The following CEP72 variants were observed in gnomAD, a reference collection of about 807,000 sequenced individuals.
CEP72 encodes centrosomal protein 72, also known as centrosomal protein of 72 kDa.
A neutral mutation model predicts 65.7 loss-of-function variants in CEP72; 78 were observed. That is an observed-to-expected ratio of 1.19 (90% CI 0.99 to 1.43). The LOEUF is 1.43. CEP72 is among the 40% of genes most tolerant of loss of function. The probability of loss-of-function intolerance (pLI) is 0.00; values close to 1 mark genes in which losing one functional copy is unlikely to be tolerated. For synonymous variants in CEP72, 358 were observed against 351.7 expected, an observed-to-expected ratio of 1.02 and a Z score of -0.20; for missense variants, 914 against 832.9, an observed-to-expected ratio of 1.10 and a Z score of -1.20.
chr5:661,349 G>A (rs888522317), downstream of CEP72: 1 of 148,274 alleles, frequency 6.7e-6, no homozygotes, highest in Non-Finnish European at 1.5e-5. Context: ...CTCTCCTGGT[G>A]TCACCCATGA....
In CEP72 at chr5:643,299, A is replaced by G. The variant is rs1738182214; in HGVS notation, c.1540-1000A>G. 6 of 985,440 alleles carry G rather than the reference A, an allele frequency of 6.1e-6. No homozygotes were observed. The South Asian group carries it at 1.9e-4, about 31-fold the overall frequency. 61.0% of individuals were successfully genotyped at this position (985,440 alleles called of 1,614,324 possible). ...CAAAACCATGAGACGTGGCACTGCC[A>G]GGAGCTTTCTGGACGACCCAAAGCC... is the stretch of plus-strand genomic sequence containing the variant. On this transcript the variant is annotated intron_variant, in intron 9 of 11. Transcript: ENST00000264935.
rs1260336369 is a variant in CEP72 at position 645,545 on chromosome 5, G to A, written c.1666+1120G>A. Among the ~76,000 whole-genome samples, 4 of 151,854 alleles carry A rather than the reference G, an allele frequency of 2.6e-5. No individual in the cohort carries two copies. Among genetic ancestry groups the A allele is most frequent in the Admixed American group, 6.6e-5 (1 of 15,260 alleles). On this transcript the variant is annotated intron_variant, in intron 10 of 11. Coordinates refer to ENST00000264935, the MANE Select transcript of CEP72 (RefSeq NM_018140.4). The surrounding 1 kb of genome is among the most constrained non-coding windows in gnomAD (Gnocchi z 4.0). ...GGCTCTGTGGGCTTTCTCTGGGTGC[G>A]CTGTTTTCCCCCATGCCCCAAAGCT... is the stretch of plus-strand genomic sequence containing the variant.
intron 9 of CEP72, chr5:641,505 A>G (rs1233867457): frequency 1.0e-6 from 1 of 984,942 alleles, no homozygotes; most frequent in Non-Finnish European, 1.2e-6. Flanking sequence ...GATCCCACAC[A>G]ACGCTTCCTC....
At position 612,437 on chromosome 5, in the gene CEP72, G is replaced by T; in HGVS notation, c.76G>T (p.Asp26Tyr). 1 of 1,453,342 alleles carries T rather than the reference G, an allele frequency of 6.9e-7. No individual in the cohort carries two copies. Among genetic ancestry groups the T allele is most frequent in the Non-Finnish European group, 9.1e-7 (1 of 1,104,034 alleles). The allele number at this position is 1,453,342 out of a possible 1,614,324, so 90.0% of individuals were successfully genotyped here. Residue 26 changes from aspartate (D) to tyrosine (Y), a missense_variant, in exon 1 of 12, where the codon GAC becomes TAC. Coordinates refer to ENST00000264935, the MANE Select transcript of CEP72 (RefSeq NM_018140.4). ...RAKSGLGPHR[D>Y]LAELQSLSIP... ...GAAGAGCGGCTTAGGGCCTCACCGC[G>T]ACCTGGGTGCGCCGGAGGGCGGGCG...
At chr5:669,360 G>A (rs889313513), downstream of CEP72, among the ~76,000 whole-genome samples, 6 of 152,178 alleles carry the variant, frequency 3.9e-5, no homozygotes, top group East Asian at 1.9e-4. Flanking sequence ...CCCTTGACGC[G>A]CTCGGCGTGG....
chr5:635,594 C>G lies in CEP72; in HGVS notation c.904+10C>G. The G allele has an allele frequency of 6.3e-7, 1 of 1,597,810 alleles. No homozygotes were observed. Reference sequence around the variant, plus strand: ...TTCACCCCACACCCAGGTACTTACGCGTGTCTTAGTCTGTTTTCTGTTGCT... The same window carrying G: ...TTCACCCCACACCCAGGTACTTACGGGTGTCTTAGTCTGTTTTCTGTTGCT... On this transcript the variant is annotated intron_variant, in intron 6 of 11. Coordinates refer to ENST00000264935, the MANE Select transcript of CEP72 (RefSeq NM_018140.4).
the CEP72 span, chr5:675,905 A>T: frequency 6.6e-6 from 1 of 152,198 alleles, no homozygotes; most frequent in Non-Finnish European, 1.5e-5. Context: ...CCATGAGGAC[A>T]CTGAGGCTGG....
chr5:651,429 A>C (rs1739083988), intron 11 of CEP72, among the ~76,000 whole-genome samples: 1 of 151,912 alleles, frequency 6.6e-6, no homozygotes, highest in Non-Finnish European at 1.5e-5. Context: ...ACCTGTGTGC[A>C]GTGTGACCAG....
Position 623,328 on chromosome 5 carries a change from C to T in CEP72, c.404-1143C>T, listed in dbSNP as rs1736521497. Among the ~76,000 whole-genome samples, 1 of 152,228 alleles carries T rather than the reference C, an allele frequency of 6.6e-6. No individual in the cohort carries two copies. Among genetic ancestry groups the T allele is most frequent in the Admixed American group, 6.5e-5 (1 of 15,284 alleles). On this transcript the variant is annotated intron_variant, in intron 3 of 11. Transcript: ENST00000264935. The surrounding 1 kb of genome is among the most constrained non-coding windows in gnomAD (Gnocchi z 5.3). ...CGGGGCCCCGGGACGGCCTGCTGCC[C>T]TGCGTGGTGCCTCCTGGAGTGGGCT...
chr5:637,638 C>G lies in CEP72; in HGVS notation c.1026C>G (p.Phe342Leu). 1 of 1,614,032 alleles carries G rather than the reference C, an allele frequency of 6.2e-7. No individual in the cohort carries two copies. The highest frequency in any genetic ancestry group is 8.5e-7 in the Non-Finnish European group (1 of 1,180,028). Residue 342 changes from phenylalanine (F) to leucine (L), a missense_variant, in exon 7 of 12, where the codon TTC becomes TTG. Physicochemically the swap from Phe to Leu is conservative, Grantham distance 22. Coordinates refer to ENST00000264935, the MANE Select transcript of CEP72 (RefSeq NM_018140.4). ...CRKRRMPVGRFQTFSDQEGLG... is the reference protein window; with the variant it reads ...CRKRRMPVGRLQTFSDQEGLG... ...AGCGAAGAATGCCTGTTGGAAGATT[C>G]CAGACGTTTTCGGACCAGGAGGGTT...
intron 6 of CEP72, 94 bp downstream of exon 6, chr5:635,678 G>A (rs188820050): frequency 9.4e-7 from 1 of 1,068,890 alleles, no homozygotes; most frequent in South Asian, 1.4e-5. Flanking sequence ...GTGGCTCATG[G>A]TTCTGGAGGC....
intron 9 of CEP72, chr5:643,729 C>T (rs1364609200): frequency 1.9e-5 from 17 of 906,880 alleles, no homozygotes; most frequent in Non-Finnish European, 2.2e-5. Context: ...TGGCTCACAC[C>T]TCACCAGACA....
At chr5:637,389 T>C (rs1737681230) in intron 6 of CEP72, 128 bp from the exon 7 acceptor site, 4 of 766,120 alleles carry the variant, frequency 5.2e-6, no homozygotes, top group Non-Finnish European at 8.8e-6. Flanking sequence ...CGTGTACATA[T>C]GTAAGTGTGC....
intron 9 of CEP72, chr5:642,826 C>G (rs1287029982): frequency 1.9e-5 from 19 of 985,362 alleles, no homozygotes; most frequent in Non-Finnish European, 2.2e-5. Flanking sequence ...GGGAGGCCCA[C>G]ATCTGTCACT....
chr5:619,880 G>A (rs1736269905), intron 2 of CEP72, among the ~76,000 whole-genome samples, 189 bp from the exon 3 acceptor site: 1 of 152,202 alleles, frequency 6.6e-6, no homozygotes, highest in Admixed American at 6.5e-5. Flanking sequence ...ATAAACGACC[G>A]TCTCACCGCG....
At chr5:673,556 G>A in the CEP72 span, among the ~76,000 whole-genome samples, 1 of 152,102 alleles carries the variant, frequency 6.6e-6, no homozygotes, top group East Asian at 1.9e-4. Context: ...TCTCCCACAC[G>A]GCGCCCACTC....
rs200273440 is a variant in CEP72, at chr5:635,084, ACT to A, written c.692-281_692-280del. Among the ~76,000 whole-genome samples, 1,453 of 151,086 alleles carry A rather than the reference ACT, an allele frequency of 9.6e-3. 25 individuals carry two copies. The highest frequency in any genetic ancestry group is 0.034 in the African/African-American group (1,393 of 41,116). On this transcript the variant is annotated intron_variant, in intron 5 of 11. Transcript: ENST00000264935. ...CTAATTTTGTATTGAGACTGTCTGG[ACT>A]CTCTCTTCTGTTTTGTGCATCATTT...
At chr5:641,384 G>T in intron 9 of CEP72, 1 of 985,480 alleles carries the variant, frequency 1.0e-6, no homozygotes, top group Non-Finnish European at 1.2e-6. Flanking sequence ...GAGGGGCCTT[G>T]TCAGCATCTT....
chr5:627,574 C>G (rs1330748187), intron 4 of CEP72, among the ~76,000 whole-genome samples: 1 of 152,168 alleles, frequency 6.6e-6, no homozygotes, highest in South Asian at 2.1e-4. Context: ...CAAAAAAGCT[C>G]ATTCTGATAC....
Sources: allele counts gnomAD v4.1 joint callset (sites outside exome capture counted in the v4.1 genomes callset), GRCh38; gene constraint gnomAD v4.1.1; non-coding constraint Gnocchi (gnomAD v3.1); transcripts MANE v1.5; gene names NCBI Gene and HGNC (gene_info 2026-07-23, HGNC 2026-07-21).